METTL24: variants seen among roughly 807,000 people sequenced by gnomAD.
The protein encoded by METTL24 is probable methyltransferase-like protein 24.
Under a neutral mutation model 32.7 loss-of-function variants are expected in METTL24, and 29 were observed. The ratio of observed to expected loss-of-function variants is 0.89; its 90% CI spans 0.66 to 1.21. The LOEUF is 1.21. Ranked by LOEUF, METTL24 falls within the 50% of genes most tolerant of loss-of-function variation. The pLI is 0.00. For missense variants in METTL24, 439 were observed against 468.1 expected (o/e 0.94, Z 0.57); for synonymous variants, 163 against 179.5 (o/e 0.91, Z 0.73).
In METTL24 at chr6:110,245,919, C is replaced by A; in HGVS notation, c.*27G>T. The A allele has an allele frequency of 6.4e-7, 1 of 1,572,654 alleles. No homozygotes were observed. The highest frequency in any genetic ancestry group is 8.6e-7 in the Non-Finnish European group (1 of 1,158,164). On this transcript the variant is annotated 3_prime_UTR_variant, in exon 5 of 5. Transcript: ENST00000338882. ...ACATGCTGCATTCTGCAAATATTTT[C>A]TTGTGCTCTTGATGACATCCTGCAT...
At chr6:110,297,694 C>T (rs923287707) in intron 4 of METTL24, among the ~76,000 whole-genome samples, 1 of 152,176 alleles carries the variant, frequency 6.6e-6, no homozygotes, top group African/African-American at 2.4e-5. Context: ...AATGCTTCTG[C>T]TTCTTCCCAC....
chr6:110,347,268 A>G (rs937347492), intron 1 of METTL24, among the ~76,000 whole-genome samples: 1 of 152,288 alleles, frequency 6.6e-6, no homozygotes, highest in African/African-American at 2.4e-5. Flanking sequence ...GCCCAAATTT[A>G]TTAAAATGTT....
chr6:110,284,020 T>C (rs1393484022), intron 4 of METTL24, among the ~76,000 whole-genome samples: 1 of 152,152 alleles, frequency 6.6e-6, no homozygotes, highest in East Asian at 1.9e-4. Context: ...CAATGGAACA[T>C]TATTTAGCCT....
At chr6:110,273,120 C>T (rs1770986659) in intron 4 of METTL24, among the ~76,000 whole-genome samples, 1 of 152,040 alleles carries the variant, frequency 6.6e-6, no homozygotes, top group African/African-American at 2.4e-5. Flanking sequence ...AGTCTTTGAT[C>T]TGTCTTGAGT....
In METTL24 at chr6:110,263,518, T is replaced by C. The variant is rs1770791416; in HGVS notation, c.787-17258A>G. On this transcript the variant is annotated intron_variant, in intron 4 of 4. Transcript: ENST00000338882. ...ATTTCATGCTCATGGGTAGGAATAA[T>C]CAATATCGTGAAAATGGCCATACTG... is the stretch of plus-strand genomic sequence containing the variant. Among the ~76,000 whole-genome samples, 3 of 152,322 alleles carry C rather than the reference T, an allele frequency of 2.0e-5. No homozygotes were observed. In the South Asian group the frequency reaches 6.2e-4, roughly 32 times the overall value.
chr6:110,341,290 G>C (rs1033451145), intron 1 of METTL24, among the ~76,000 whole-genome samples: 1 of 152,146 alleles, frequency 6.6e-6, no homozygotes, highest in African/African-American at 2.4e-5. Flanking sequence ...TCCCTGTCCA[G>C]GAATAAGGCC....
intron 4 of METTL24, among the ~76,000 whole-genome samples, chr6:110,281,895 T>C (rs960417835): frequency 3.9e-5 from 6 of 152,042 alleles, no homozygotes; most frequent in Admixed American, 2.6e-4. Context: ...GTGAAAAGTA[T>C]CAAACTGTCA....
intron 4 of METTL24, among the ~76,000 whole-genome samples, chr6:110,277,517 C>T (rs1771068286): frequency 6.6e-6 from 1 of 152,054 alleles, no homozygotes; most frequent in East Asian, 1.9e-4. Context: ...CTTTGCTGTC[C>T]AATAATTTCT....
intron 1 of METTL24, among the ~76,000 whole-genome samples, chr6:110,336,285 T>A (rs1044294857): frequency 6.6e-6 from 1 of 152,202 alleles, no homozygotes; most frequent in Non-Finnish European, 1.5e-5. Flanking sequence ...TTGCCTCTCA[T>A]CCCTACCAAC....
intron 1 of METTL24, among the ~76,000 whole-genome samples, chr6:110,324,652 G>C (rs1021209276): frequency 6.6e-6 from 1 of 152,208 alleles, no homozygotes; most frequent in African/African-American, 2.4e-5. Flanking sequence ...CCTTCTGAAA[G>C]AACAGCCTTT....
intron 4 of METTL24, among the ~76,000 whole-genome samples, chr6:110,248,186 C>T (rs2114688632): frequency 6.6e-6 from 1 of 152,306 alleles, no homozygotes; most frequent in South Asian, 2.1e-4. Flanking sequence ...CACCATGCTT[C>T]CTGTACAGCC....
At chr6:110,321,243 A>C (rs1562236751) in intron 2 of METTL24, among the ~76,000 whole-genome samples, 2 of 151,750 alleles carry the variant, frequency 1.3e-5, no homozygotes, top group Non-Finnish European at 2.9e-5. Flanking sequence ...TCTCTGAAAA[A>C]AGAAAAGAAA....
chr6:110,299,222 A>G, intron 3 of METTL24, 72 bp from the exon 4 acceptor site: 2 of 1,363,098 alleles, frequency 1.5e-6, no homozygotes, highest in East Asian at 2.3e-5. Flanking sequence ...ACAAGATGAC[A>G]GTTCCAAGGC....
chr6:110,259,935 A>G (rs1464528190), intron 4 of METTL24, among the ~76,000 whole-genome samples: 1 of 152,224 alleles, frequency 6.6e-6, no homozygotes, highest in African/African-American at 2.4e-5. Flanking sequence ...TAACAAACAG[A>G]AAGGACATCC....
At chr6:110,257,610 A>G (rs973282376) in intron 4 of METTL24, among the ~76,000 whole-genome samples, 1 of 152,140 alleles carries the variant, frequency 6.6e-6, no homozygotes, top group African/African-American at 2.4e-5. Context: ...CACTCAGTAG[A>G]TCTGAAGTGG....
intron 3 of METTL24, among the ~76,000 whole-genome samples, chr6:110,303,262 CAGG>C (rs1219217159): frequency 6.6e-6 from 1 of 152,038 alleles, no homozygotes; most frequent in African/African-American, 2.4e-5. Context: ...GAGCTAGCTG[CAGG>C]AGTTTTTTTT....
chr6:110,293,178 A>G (rs1443994816), intron 4 of METTL24, among the ~76,000 whole-genome samples: 1 of 152,086 alleles, frequency 6.6e-6, no homozygotes, highest in East Asian at 1.9e-4. Flanking sequence ...GTAGATTAAC[A>G]TAAGAAAGGG....
In METTL24 at chr6:110,358,218, G is replaced by A. The variant is rs756504424; in HGVS notation, c.55C>T (p.Leu19Phe). 12 of 1,484,776 alleles carry A rather than the reference G, an allele frequency of 8.1e-6. 1 individual carries two copies. The East Asian group carries it at 8.7e-5, about 11-fold the overall frequency. 92.0% of individuals were successfully genotyped at this position (1,484,776 alleles called of 1,614,324 possible). Residue 19 changes from leucine to phenylalanine, a missense_variant, in exon 1 of 5, where the codon CTC becomes TTC. Leu to Phe is a conservative substitution (Grantham distance 22). Transcript: ENST00000338882. ...AGGCCGAACAACAGCACAGCCCCGA[G>A]TAGACACCGGCGCAGGACGCCGCAG... ...RGCGVLRRCL[L>F]GAVLLFGLRL... is the part of the protein sequence containing the mutation.
chr6:110,322,225 A>T (rs879850907), intron 2 of METTL24, among the ~76,000 whole-genome samples: 2 of 152,204 alleles, frequency 1.3e-5, no homozygotes, highest in Non-Finnish European at 2.9e-5. Context: ...TTAAGTCACT[A>T]ATAAAGGCCC....
Sources: gnomAD v4.1 joint callset for allele counts (sites outside exome capture counted in the v4.1 genomes callset) on GRCh38, gnomAD v4.1.1 for gene constraint, MANE v1.5 for transcripts, NCBI Gene and HGNC (gene_info 2026-07-23, HGNC 2026-07-21) for gene names.